Variants in PCDHA13 observed in about 807,000 individuals in gnomAD.
The protein encoded by PCDHA13 is protocadherin alpha 13, also known as protocadherin alpha-13.
PCDHA13 carries 54 observed loss-of-function variants against 64.8 expected under a neutral mutation model. The ratio of observed to expected loss-of-function variants is 0.83; its 90% CI spans 0.67 to 1.04. PCDHA13 has a LOEUF of 1.04. PCDHA13 is among the 50% of genes least tolerant of loss of function. The pLI is 0.00. For synonymous variants in PCDHA13, 587 were observed against 564.4 expected, an observed-to-expected ratio of 1.04 and a Z score of -0.57; for missense variants, 1,248 against 1,254.3, an observed-to-expected ratio of 0.99 and a Z score of 0.08.
chr5:140,946,997 C>A (rs2094069050), intron 1 of PCDHA13, among the ~76,000 whole-genome samples: 1 of 151,382 alleles, frequency 6.6e-6, no homozygotes. Context: ...GTTCTAACTT[C>A]AAAGAAATGA....
At chr5:140,971,642 A>T (rs1586490477) in intron 1 of PCDHA13, among the ~76,000 whole-genome samples, 1 of 152,330 alleles carries the variant, frequency 6.6e-6, no homozygotes. Context: ...ATGTGCCTAC[A>T]TTAAAAGTAG....
intron 1 of PCDHA13, chr5:140,928,185 C>CA: frequency 1.2e-6 from 2 of 1,614,184 alleles, no homozygotes; most frequent in Non-Finnish European, 1.7e-6. Context: ...GAAGGACAAT[C>CA]ACTGTGTCAG....
intron 1 of PCDHA13, among the ~76,000 whole-genome samples, chr5:140,934,143 A>T (rs1335256190): frequency 6.6e-6 from 1 of 152,000 alleles, no homozygotes; most frequent in Non-Finnish European, 1.5e-5. Context: ...TTCCTTCCTT[A>T]TATGTTTATA....
At chr5:140,966,527 G>C (rs1328867902) in intron 1 of PCDHA13, 2 of 444,184 alleles carry the variant, frequency 4.5e-6, no homozygotes, top group Non-Finnish European at 7.8e-6. Context: ...AAGCCGAGCC[G>C]GGTTGAGCGA....
At chr5:140,926,879 C>T (rs1554203752) in intron 1 of PCDHA13, 1 of 1,534,362 alleles carries the variant, frequency 6.5e-7, no homozygotes, top group African/African-American at 1.4e-5. Context: ...GGAACGTGGA[C>T]GCCTAGAGGG....
chr5:140,941,248 T>TTTCTTTCC (rs1563187616), intron 1 of PCDHA13, among the ~76,000 whole-genome samples: 1 of 141,492 alleles, frequency 7.1e-6, no homozygotes, highest in African/African-American at 2.6e-5. Context: ...TCTTTCTTTC[T>TTTCTTTCC]TTCTTTCTCT....
At chr5:140,927,720 G>C (rs782475238) in intron 1 of PCDHA13, 8 of 1,614,056 alleles carry the variant, frequency 5.0e-6, no homozygotes, top group Non-Finnish European at 6.8e-6. Flanking sequence ...GCAACAGCAC[G>C]CAAGCAGAGC....
At chr5:140,943,050 A>G (rs1450755005) in intron 1 of PCDHA13, among the ~76,000 whole-genome samples, 1 of 152,044 alleles carries the variant, frequency 6.6e-6, no homozygotes, top group African/African-American at 2.4e-5. Flanking sequence ...TGAGGTCAGG[A>G]GTTCAAGAAC....
chr5:140,912,393 G>T (rs1312827248), intron 1 of PCDHA13, among the ~76,000 whole-genome samples: 1 of 147,816 alleles, frequency 6.8e-6, no homozygotes, highest in Admixed American at 6.7e-5. Context: ...TTCTTAATTT[G>T]ATTCTCAGCT....
chr5:140,968,057 C>G, intron 1 of PCDHA13: 1 of 1,614,110 alleles, frequency 6.2e-7, no homozygotes, highest in African/African-American at 1.3e-5. Flanking sequence ...GGACCGAGAG[C>G]GGGTGGCTGT....
chr5:140,930,794 T>G (rs2087114829), intron 1 of PCDHA13, among the ~76,000 whole-genome samples: 1 of 152,200 alleles, frequency 6.6e-6, no homozygotes, highest in Non-Finnish European at 1.5e-5. Context: ...TATAATAGAA[T>G]CCAGCATATA....
At chr5:140,936,185 G>A (rs563044758) in intron 1 of PCDHA13, among the ~76,000 whole-genome samples, 10 of 152,060 alleles carry the variant, frequency 6.6e-5, no homozygotes, top group Non-Finnish European at 1.0e-4. Context: ...AAACCACCAC[G>A]CCCAGCCAAA....
intron 1 of PCDHA13, chr5:140,968,024 A>C: frequency 1.2e-6 from 2 of 1,614,178 alleles, no homozygotes; most frequent in Non-Finnish European, 1.7e-6. Flanking sequence ...AAACTCCTAT[A>C]CACTGGTGGT....
intron 1 of PCDHA13, 162 bp downstream of exon 1, chr5:140,884,824 T>C: frequency 1.0e-6 from 1 of 993,590 alleles, no homozygotes; most frequent in Non-Finnish European, 1.4e-6. Context: ...ACATTATGTG[T>C]TGGATTATCC....
chr5:140,914,801 A>G (rs976508278), intron 1 of PCDHA13, among the ~76,000 whole-genome samples: 2 of 152,164 alleles, frequency 1.3e-5, no homozygotes, highest in African/African-American at 4.8e-5. Context: ...TTTTAAACTG[A>G]TGGCAACTTA....
chr5:140,929,440 CCTT>C, intron 1 of PCDHA13: 2 of 1,448,524 alleles, frequency 1.4e-6, no homozygotes, highest in Non-Finnish European at 1.8e-6. Flanking sequence ...ACTAAACACT[CCTT>C]CTTAGCACTT....
At chr5:140,947,095 A>T (rs2094086285) in intron 1 of PCDHA13, among the ~76,000 whole-genome samples, 1 of 151,642 alleles carries the variant, frequency 6.6e-6, no homozygotes, top group Non-Finnish European at 1.5e-5. Flanking sequence ...ACTGTAGCCC[A>T]TAAATAGGTA....
chr5:140,927,427 G>C, intron 1 of PCDHA13: 2 of 1,614,114 alleles, frequency 1.2e-6, no homozygotes, highest in African/African-American at 1.3e-5. Flanking sequence ...GCGGGTTGAC[G>C]GCAGCGAATA....
In PCDHA13 at chr5:140,883,511, C is replaced by A; in HGVS notation, c.1243C>A (p.Arg415Ser). Reference sequence around the variant, plus strand: ...ATTAGTGCTGGACAGCGCCCTGGACCGCGAGAGCGTATCAGCCTATGAACT... The same window carrying A: ...ATTAGTGCTGGACAGCGCCCTGGACAGCGAGAGCGTATCAGCCTATGAACT... ...YSLVLDSALD[R>S]ESVSAYELVV... Residue 415 changes from arginine to serine, a missense_variant, in exon 1 of 4, where the codon CGC (arginine) becomes AGC (serine). By Grantham distance (110) the Arg-to-Ser change is moderately radical (BLOSUM62 -1). Coordinates refer to ENST00000289272, the MANE Select transcript of PCDHA13 (RefSeq NM_018904.3). 2 of 1,614,186 alleles carry A rather than the reference C, an allele frequency of 1.2e-6. No individual in the cohort carries two copies. The highest frequency in any genetic ancestry group is 1.7e-4 in the Middle Eastern group (1 of 6,044).
Sources: allele counts gnomAD v4.1 joint callset (sites outside exome capture counted in the v4.1 genomes callset), GRCh38; gene constraint gnomAD v4.1.1; transcripts MANE v1.5; gene names NCBI Gene and HGNC (gene_info 2026-07-23, HGNC 2026-07-21).